Variants in FNBP1 observed in about 807,000 individuals in gnomAD.
FNBP1 encodes formin binding protein 1.
In FNBP1, 26 loss-of-function variants were observed where a neutral mutation model predicts 90.6. The ratio of observed to expected loss-of-function variants is 0.29; its 90% CI spans 0.21 to 0.40. The LOEUF (loss-of-function observed/expected upper bound fraction) is 0.40, where lower values mean the gene tolerates loss of function less well. FNBP1 is among the 10% of genes least tolerant of loss of function. FNBP1 has a pLI of 1.00. For missense variants in FNBP1, 635 were observed against 768.0 expected, an observed-to-expected ratio of 0.83 and a Z score of 2.05; for synonymous variants, 260 against 265.2, an observed-to-expected ratio of 0.98 and a Z score of 0.19.
chr9:130,039,676 CAA>C (rs34484229), intron 1 of FNBP1, among the ~76,000 whole-genome samples: 6,064 of 116,618 alleles, frequency 0.052, 389 homozygotes, highest in African/African-American at 0.17. Flanking sequence ...AGCTTTGTCT[CAA>C]AAAAAAAAAA....
chr9:130,046,697 G>A (rs1174027916), upstream of FNBP1, among the ~76,000 whole-genome samples: 4 of 150,246 alleles, frequency 2.7e-5, no homozygotes, highest in Admixed American at 2.7e-4. Context: ...GAACCCAGGA[G>A]GCGGAGGGTG....
intron 1 of FNBP1, among the ~76,000 whole-genome samples, chr9:130,016,207 C>T (rs1230418158): frequency 6.6e-6 from 1 of 152,116 alleles, no homozygotes; most frequent in Non-Finnish European, 1.5e-5. Context: ...GAAACCTAAT[C>T]CCCAGTGCAG....
At chr9:129,986,830 T>C (rs2052357506) in intron 2 of FNBP1, among the ~76,000 whole-genome samples, 1 of 151,696 alleles carries the variant, frequency 6.6e-6, no homozygotes, top group African/African-American at 2.4e-5. Flanking sequence ...AAAATAAGAA[T>C]AAGATGAAAC....
At chr9:130,036,375 A>G (rs955109811) in intron 1 of FNBP1, among the ~76,000 whole-genome samples, 1 of 152,240 alleles carries the variant, frequency 6.6e-6, no homozygotes, top group Non-Finnish European at 1.5e-5. Context: ...ATGAGTTGTA[A>G]TGTGTTCACA....
At chr9:130,018,514 T>C (rs1280392545) in intron 1 of FNBP1, among the ~76,000 whole-genome samples, 1 of 152,192 alleles carries the variant, frequency 6.6e-6, no homozygotes, top group East Asian at 1.9e-4. Flanking sequence ...AGACTTGGTG[T>C]GACCAATAGT....
chr9:129,901,646 T>G (rs1398949182), intron 13 of FNBP1, among the ~76,000 whole-genome samples: 3 of 151,312 alleles, frequency 2.0e-5, no homozygotes, highest in Non-Finnish European at 4.4e-5. Context: ...GTGTGGTGGC[T>G]CACGCCTGTA....
Position 129,940,174 on chromosome 9 carries a change from C to T in FNBP1, c.514-10479G>A, listed in dbSNP as rs554508397. 5.3e-5 allele frequency among the ~76,000 whole-genome samples: 8 copies of T among 152,256 alleles called. No individual in the cohort carries two copies. In the East Asian group the frequency reaches 1.5e-3, roughly 29 times the overall value. On this transcript the variant is annotated intron_variant, in intron 6 of 16. Transcript: ENST00000446176. ...TATGATTGTCCCACTGTACTTCAGC[C>T]TGGGCTTAGGTGACAGAATAAGACC...
rs1004170897 is a variant in FNBP1, at chr9:129,889,077, G to A, written c.*1462C>T. ...AGGAGGGGCTGCTCTGCTCTAAGGCGTGGCGGGGGGGGGGGGTGGTGGCCA... is the reference window on the plus strand; with the variant it reads ...AGGAGGGGCTGCTCTGCTCTAAGGCATGGCGGGGGGGGGGGGTGGTGGCCA... On this transcript the variant is annotated 3_prime_UTR_variant, in exon 17 of 17. Coordinates refer to ENST00000446176, the MANE Select transcript of FNBP1 (RefSeq NM_015033.3). The A allele has an allele frequency of 8.7e-4, 98 of 113,068 alleles. No individual in the cohort carries two copies. Among genetic ancestry groups the A allele is most frequent in the Non-Finnish European group, 1.4e-3 (80 of 58,486 alleles). The allele number at this position is 113,068 out of a possible 1,614,324, so 7.0% of individuals were successfully genotyped here.
intron 4 of FNBP1, among the ~76,000 whole-genome samples, chr9:129,968,816 A>G (rs1299727616): frequency 6.6e-6 from 1 of 152,236 alleles, no homozygotes; most frequent in Non-Finnish European, 1.5e-5. Flanking sequence ...AACTCTTCAG[A>G]TAACTGCTGC....
Position 129,890,883 on chromosome 9 carries a change from G to A in FNBP1, c.1847-337C>T, listed in dbSNP as rs959676842. Reference sequence around the variant, plus strand: ...TAAGAAACGGAGGCCGGGGCTGGGCGCCGTGGCTCATGCCTGTAATCCCAG... The same window carrying A: ...TAAGAAACGGAGGCCGGGGCTGGGCACCGTGGCTCATGCCTGTAATCCCAG... On this transcript the variant is annotated intron_variant, in intron 16 of 16. Transcript: ENST00000446176. This position sits in a 1 kb window ranked among gnomAD's most constrained non-coding sequence, Gnocchi z 5.8. Among the ~76,000 whole-genome samples, 5 of 152,206 alleles carry A rather than the reference G, an allele frequency of 3.3e-5. No individual in the cohort carries two copies. Among genetic ancestry groups the A allele is most frequent in the African/African-American group, 9.7e-5 (4 of 41,448 alleles).
rs373285830 is a variant in FNBP1, at chr9:129,978,645, C to T, written c.198-33G>A. On this transcript the variant is annotated intron_variant, in intron 3 of 16. Coordinates refer to ENST00000446176, the MANE Select transcript of FNBP1 (RefSeq NM_015033.3). ...ACAGAACACACGCCACTCTGTTTCA[C>T]ACAAGGCCACATTCATTCATATTCT... 105 of 1,601,138 alleles carry T rather than the reference C, an allele frequency of 6.6e-5. No individual in the cohort carries two copies. The Middle Eastern group carries it at 2.5e-3, about 38-fold the overall frequency.
In FNBP1 at chr9:129,938,158, G is replaced by A. The variant is rs148198218; in HGVS notation, c.514-8463C>T. Among the ~76,000 whole-genome samples, 340 of 152,074 alleles carry A rather than the reference G, an allele frequency of 2.2e-3. 1 individual carries two copies. The highest frequency in any genetic ancestry group is 3.7e-3 in the Non-Finnish European group (250 of 68,008). ...AGCCTGGGCAACAGAGTGAGACTCT[G>A]TCTCAAAAAAATAAATAAATTAATT... On this transcript the variant is annotated intron_variant, in intron 6 of 16. Transcript: ENST00000446176.
At chr9:130,039,584 G>A (rs570662800) in intron 1 of FNBP1, among the ~76,000 whole-genome samples, 7 of 150,600 alleles carry the variant, frequency 4.6e-5, no homozygotes, top group African/African-American at 1.7e-4. Flanking sequence ...GCTAAGGCAA[G>A]AGAATCACTA....
At chr9:130,015,317 T>C (rs1393641479) in intron 1 of FNBP1, among the ~76,000 whole-genome samples, 2 of 152,198 alleles carry the variant, frequency 1.3e-5, no homozygotes, top group African/African-American at 4.8e-5. Flanking sequence ...ATCAGAAAGA[T>C]TAATTCAAAA....
chr9:129,947,986 A>T (rs2045589942), intron 6 of FNBP1, among the ~76,000 whole-genome samples: 1 of 130,672 alleles, frequency 7.7e-6, no homozygotes, highest in African/African-American at 3.2e-5. Flanking sequence ...CTTAAATTTA[A>T]AAAAAAAAAA....
At chr9:129,929,103 AAAAAC>A (rs1377750414) in intron 7 of FNBP1, among the ~76,000 whole-genome samples, 4 of 151,406 alleles carry the variant, frequency 2.6e-5, no homozygotes, top group East Asian at 1.9e-4. Flanking sequence ...CTCAAAAAAC[AAAAAC>A]AAAACAAAAC....
intron 15 of FNBP1, 80 bp downstream of exon 15, chr9:129,899,884 AG>A: frequency 7.9e-7 from 1 of 1,263,010 alleles, no homozygotes; most frequent in Non-Finnish European, 1.1e-6. Context: ...GAAGGAAGGA[AG>A]GAAGGAAAAG....
At chr9:129,942,974 T>C (rs1357847064) in intron 6 of FNBP1, among the ~76,000 whole-genome samples, 3 of 152,126 alleles carry the variant, frequency 2.0e-5, no homozygotes, top group Admixed American at 6.5e-5. Flanking sequence ...ATTATAGGCA[T>C]GAGCCACTGC....
chr9:130,008,038 TAA>T (rs55687618), intron 1 of FNBP1, among the ~76,000 whole-genome samples: 67 of 134,940 alleles, frequency 5.0e-4, no homozygotes, highest in Non-Finnish European at 6.9e-4. Context: ...TTTTTTTCAT[TAA>T]AAAAAAAAAA....
Sources: gnomAD v4.1 joint callset for allele counts (sites outside exome capture counted in the v4.1 genomes callset) on GRCh38, gnomAD v4.1.1 for gene constraint, Gnocchi (gnomAD v3.1) non-coding constraint, MANE v1.5 for transcripts, NCBI Gene and HGNC (gene_info 2026-07-23, HGNC 2026-07-21) for gene names.